Variants in SERPINI1 observed in about 807,000 individuals in gnomAD.
The protein encoded by SERPINI1 is serpin family I member 1.
SERPINI1 carries 19 observed loss-of-function variants against 41.1 expected under a neutral mutation model. That is an observed-to-expected ratio of 0.46 (90% CI 0.32 to 0.68). SERPINI1 has a LOEUF of 0.68. SERPINI1 is among the 30% of genes least tolerant of loss of function. The pLI, the probability that SERPINI1 is intolerant of heterozygous loss-of-function variation, is 0.03. For missense variants in SERPINI1, 460 were observed against 479.2 expected (o/e 0.96, Z 0.37); for synonymous variants, 138 against 156.6 (o/e 0.88, Z 0.89).
chr3:167,825,109 A>T, intron 8 of SERPINI1, 138 bp from the exon 9 acceptor site: 1 of 710,914 alleles, frequency 1.4e-6, no homozygotes, highest in Non-Finnish European at 2.6e-6. Context: ...GAGAGGAAGG[A>T]AGGAAGGACA....
chr3:167,813,377 C>T (rs867063743), intron 6 of SERPINI1, among the ~76,000 whole-genome samples: 9 of 152,168 alleles, frequency 5.9e-5, no homozygotes, highest in African/African-American at 1.9e-4. Context: ...CTAGCATCAT[C>T]GTCAAAGCTC....
intron 1 of SERPINI1, among the ~76,000 whole-genome samples, chr3:167,750,025 T>C (rs1205346054): frequency 6.6e-6 from 1 of 152,196 alleles, no homozygotes; most frequent in South Asian, 2.1e-4. Context: ...GGATTAATTG[T>C]TACATTTCCA....
chr3:167,791,742 CA>C (rs1249093033), intron 3 of SERPINI1, among the ~76,000 whole-genome samples: 1 of 152,134 alleles, frequency 6.6e-6, no homozygotes, highest in Non-Finnish European at 1.5e-5. Context: ...TTCACCTACC[CA>C]AAAGCAATTG....
chr3:167,772,823 A>ACTCACTCT lies in SERPINI1; in HGVS notation c.-18-16285_-18-16284insACTCTCTC, dbSNP rs1307269527. Among the ~76,000 whole-genome samples the ACTCACTCT allele has an allele frequency of 1.4e-3, 32 of 23,648 alleles. 2 individuals are homozygous for ACTCACTCT. Among genetic ancestry groups the ACTCACTCT allele is most frequent in the African/African-American group, 4.1e-3 (28 of 6,834 alleles). The allele number at this position is 23,648 out of a possible 152,430, so 15.5% of individuals were successfully genotyped here. A position where few individuals can be genotyped will look rare whatever the true frequency, so the allele number is the denominator to read the frequency against. On this transcript the variant is annotated intron_variant, in intron 1 of 8. Coordinates refer to ENST00000446050, the MANE Select transcript of SERPINI1 (RefSeq NM_001122752.2). ...ATTCCAGCCTGGGCAGTATCTTGAG[A>ACTCACTCT]CTCTCTCTCTCTCTCTCTCTCTCTC... is the stretch of plus-strand genomic sequence containing the variant.
intron 6 of SERPINI1, among the ~76,000 whole-genome samples, chr3:167,818,670 G>A (rs886439242): frequency 4.6e-5 from 7 of 151,750 alleles, no homozygotes; most frequent in African/African-American, 1.2e-4. Flanking sequence ...TCTTTCTGCC[G>A]TAAGTACCTT....
intron 8 of SERPINI1, among the ~76,000 whole-genome samples, 173 bp from the exon 9 acceptor site, chr3:167,825,074 G>T (rs1469068547): frequency 6.6e-6 from 1 of 150,380 alleles, no homozygotes; most frequent in African/African-American, 2.5e-5. Flanking sequence ...GGAAAGGAAA[G>T]GGAAAGGGAA....
chr3:167,804,840 C>A (rs1711572321), intron 5 of SERPINI1, among the ~76,000 whole-genome samples: 1 of 152,074 alleles, frequency 6.6e-6, no homozygotes, highest in African/African-American at 2.4e-5. Context: ...GAAACCCTGT[C>A]TCACACACAC....
intron 1 of SERPINI1, among the ~76,000 whole-genome samples, chr3:167,767,249 C>G (rs1726596340): frequency 6.6e-6 from 1 of 152,176 alleles, no homozygotes; most frequent in South Asian, 2.1e-4. Flanking sequence ...ACAAATGGAA[C>G]AACACAACCT....
At chr3:167,784,144 A>G (rs1345850120) in intron 1 of SERPINI1, among the ~76,000 whole-genome samples, 1 of 151,310 alleles carries the variant, frequency 6.6e-6, no homozygotes, top group Non-Finnish European at 1.5e-5. Flanking sequence ...TTTTTTTTCT[A>G]TCTGACCATC....
At chr3:167,753,838 A>G (rs533309175) in intron 1 of SERPINI1, among the ~76,000 whole-genome samples, 1 of 152,350 alleles carries the variant, frequency 6.6e-6, no homozygotes, top group Non-Finnish European at 1.5e-5. Context: ...GTATATTAAA[A>G]AAGGAACTGT....
chr3:167,800,932 C>G (rs985503059), intron 5 of SERPINI1, among the ~76,000 whole-genome samples: 3 of 152,240 alleles, frequency 2.0e-5, no homozygotes, highest in African/African-American at 7.2e-5. Context: ...ATTCTCCTGC[C>G]TCAGCCTCCT....
chr3:167,800,500 C>T (rs940009891), intron 5 of SERPINI1, among the ~76,000 whole-genome samples: 11 of 152,090 alleles, frequency 7.2e-5, no homozygotes, highest in Non-Finnish European at 1.6e-4. Flanking sequence ...GCTTCCTTTT[C>T]AGTCTTTACT....
intron 6 of SERPINI1, among the ~76,000 whole-genome samples, chr3:167,811,455 G>C (rs1378148822): frequency 1.9e-5 from 2 of 104,104 alleles, no homozygotes. Flanking sequence ...CATATGAAAT[G>C]GCTAAAAAAA....
intron 7 of SERPINI1, among the ~76,000 whole-genome samples, chr3:167,824,080 C>A (rs778618858): frequency 6.6e-6 from 1 of 152,142 alleles, no homozygotes; most frequent in Non-Finnish European, 1.5e-5. Context: ...AAACTCTCTT[C>A]AGTTTTTGTT....
intron 1 of SERPINI1, among the ~76,000 whole-genome samples, chr3:167,775,475 C>G (rs976581410): frequency 7.9e-5 from 12 of 151,818 alleles, no homozygotes; most frequent in Admixed American, 2.6e-4. Context: ...GTGACTTTAA[C>G]ACATGAATGA....
chr3:167,777,934 G>A (rs139744111), intron 1 of SERPINI1, among the ~76,000 whole-genome samples: 47 of 152,274 alleles, frequency 3.1e-4, no homozygotes, highest in African/African-American at 1.1e-3. Context: ...TATGGTAGGA[G>A]TTTGGCCTCC....
intron 6 of SERPINI1, among the ~76,000 whole-genome samples, chr3:167,822,311 A>G (rs1712362478): frequency 6.6e-6 from 1 of 152,182 alleles, no homozygotes; most frequent in Non-Finnish European, 1.5e-5. Context: ...TTAACATATA[A>G]ATTTGTGTAA....
chr3:167,764,771 A>G (rs184612258), intron 1 of SERPINI1, among the ~76,000 whole-genome samples: 35 of 152,238 alleles, frequency 2.3e-4, no homozygotes, highest in African/African-American at 8.4e-4. Flanking sequence ...AAAGCAGGTT[A>G]GTTGCTTCAT....
chr3:167,788,296 G>C (rs139476561), intron 1 of SERPINI1, among the ~76,000 whole-genome samples: 11 of 152,178 alleles, frequency 7.2e-5, no homozygotes, highest in African/African-American at 2.4e-4. Flanking sequence ...GAGAAAATGT[G>C]GCCTTGATGC....
Sources: gnomAD v4.1 joint callset for allele counts (sites outside exome capture counted in the v4.1 genomes callset) on GRCh38, gnomAD v4.1.1 for gene constraint, MANE v1.5 for transcripts, NCBI Gene and HGNC (gene_info 2026-07-23, HGNC 2026-07-21) for gene names.